CDH4: variants seen among roughly 807,000 people sequenced by gnomAD.
CDH4 encodes the protein cadherin-4.
CDH4 carries 33 observed loss-of-function variants against 86.0 expected under a neutral mutation model. That is an observed-to-expected ratio of 0.38 (90% CI 0.29 to 0.51). CDH4 has a LOEUF of 0.51. CDH4 is among the 20% of genes least tolerant of loss of function. CDH4 has a pLI of 0.86. For synonymous variants in CDH4, 555 were observed against 549.4 expected, an observed-to-expected ratio of 1.01 and a Z score of -0.14; for missense variants, 1,114 against 1,307.4, an observed-to-expected ratio of 0.85 and a Z score of 2.28.
chr20:61,646,627 C>T (rs914959978), intron 2 of CDH4, among the ~76,000 whole-genome samples: 1 of 152,234 alleles, frequency 6.6e-6, no homozygotes, highest in Non-Finnish European at 1.5e-5. Flanking sequence ...GGGCTCTGAG[C>T]AGCTTCTGCT....
chr20:61,582,015 C>A lies in CDH4; in HGVS notation c.170-161548C>A, dbSNP rs980748417. Among the ~76,000 whole-genome samples, 1 of 152,204 alleles carries A rather than the reference C, an allele frequency of 6.6e-6. No individual in the cohort carries two copies. The highest frequency in any genetic ancestry group is 2.4e-5 in the African/African-American group (1 of 41,450). ...CCTCAAGTCTCAGCCATCATGTGGG[C>A]GCCTCCTCAGGGCAGCCTGTGGGAA... On this transcript the variant is annotated intron_variant, in intron 2 of 15. Coordinates refer to ENST00000614565, the MANE Select transcript of CDH4 (RefSeq NM_001794.5). The surrounding 1 kb of genome is among the most constrained non-coding windows in gnomAD (Gnocchi z 4.2).
intron 2 of CDH4, among the ~76,000 whole-genome samples, chr20:61,712,944 C>T (rs2087909123): frequency 6.6e-6 from 1 of 152,156 alleles, no homozygotes; most frequent in Non-Finnish European, 1.5e-5. Context: ...CTAATAGAGA[C>T]AAGCAGTAGA....
At chr20:61,333,949 G>A (rs1049484382) in intron 2 of CDH4, among the ~76,000 whole-genome samples, 3 of 152,212 alleles carry the variant, frequency 2.0e-5, no homozygotes, top group African/African-American at 7.2e-5. Context: ...CCTCCTGGTC[G>A]GTGAGGGCGG....
chr20:61,280,747 C>T (rs1335804120), intron 2 of CDH4, among the ~76,000 whole-genome samples: 2 of 152,192 alleles, frequency 1.3e-5, no homozygotes, highest in African/African-American at 4.8e-5. Context: ...CCTGGGCTAA[C>T]GTGGCTTATG....
At chr20:61,734,857 C>CAG (rs1373593610) in intron 2 of CDH4, among the ~76,000 whole-genome samples, 9 of 152,258 alleles carry the variant, frequency 5.9e-5, no homozygotes, top group Non-Finnish European at 1.2e-4. Context: ...TCAACCTGGG[C>CAG]AGATATTCAA....
intron 6 of CDH4, among the ~76,000 whole-genome samples, chr20:61,853,996 C>A (rs1162618993): frequency 5.9e-5 from 9 of 152,120 alleles, no homozygotes; most frequent in Non-Finnish European, 1.5e-5. Flanking sequence ...GGCCTAAGCA[C>A]CATTTAGGAC....
chr20:61,447,145 T>C (rs1568848495), intron 2 of CDH4, among the ~76,000 whole-genome samples: 2 of 152,184 alleles, frequency 1.3e-5, no homozygotes, highest in East Asian at 3.9e-4. Context: ...TTATTCATGG[T>C]GTTTTTTGTT....
chr20:61,841,701 G>T (rs6061856), intron 4 of CDH4, among the ~76,000 whole-genome samples: 1 of 151,950 alleles, frequency 6.6e-6, no homozygotes, highest in Admixed American at 6.6e-5. Flanking sequence ...TGCATTGCGG[G>T]GGGGAACAAA....
chr20:61,511,932 T>C (rs1302716772), intron 2 of CDH4, among the ~76,000 whole-genome samples: 1 of 152,214 alleles, frequency 6.6e-6, no homozygotes, highest in African/African-American at 2.4e-5. Context: ...AAGATCCCTA[T>C]AGAGAAAGAA....
chr20:61,577,068 G>A (rs1438327338), intron 2 of CDH4, among the ~76,000 whole-genome samples: 2 of 152,234 alleles, frequency 1.3e-5, no homozygotes, highest in Admixed American at 1.3e-4. Context: ...AAGGATGCAT[G>A]GATGTTTTGC....
chr20:61,778,979 A>G lies in CDH4; in HGVS notation c.576+5797A>G, dbSNP rs74355647. On this transcript the variant is annotated intron_variant, in intron 4 of 15. Transcript: ENST00000614565. ...CTGTGGCCTTCAGGAACCACCAAGC[A>G]ATCCACATTCTGCCTGAAGTTCACA... 2.8e-3 allele frequency among the ~76,000 whole-genome samples: 426 copies of G among 152,300 alleles called. 1 individual carries two copies. Among genetic ancestry groups the G allele is most frequent in the African/African-American group, 9.6e-3 (398 of 41,558 alleles).
At chr20:61,458,110 G>A (rs115715022) in intron 2 of CDH4, among the ~76,000 whole-genome samples, 4,610 of 151,102 alleles carry the variant, frequency 0.031, 248 homozygotes, top group African/African-American at 0.1. Context: ...TGATGTTGAT[G>A]ACAGTGCTGA....
intron 2 of CDH4, among the ~76,000 whole-genome samples, chr20:61,451,172 A>C (rs559045910): frequency 2.0e-5 from 3 of 146,908 alleles, no homozygotes; most frequent in East Asian, 2.0e-4. Context: ...TGTTTCTTCA[A>C]TAGAGTCTTG....
intron 2 of CDH4, among the ~76,000 whole-genome samples, chr20:61,509,970 G>T (rs544249909): frequency 6.6e-6 from 1 of 152,170 alleles, no homozygotes; most frequent in African/African-American, 2.4e-5. Flanking sequence ...TCCATATGGC[G>T]AAGGTTCTCA....
At chr20:61,820,019 G>A (rs969169215) in intron 4 of CDH4, among the ~76,000 whole-genome samples, 41 of 152,174 alleles carry the variant, frequency 2.7e-4, no homozygotes, top group Non-Finnish European at 8.8e-5. Context: ...CCCGGGGACC[G>A]TGTCTGGCCA....
chr20:61,521,172 C>T (rs780222272), intron 2 of CDH4, among the ~76,000 whole-genome samples: 9 of 152,326 alleles, frequency 5.9e-5, no homozygotes, highest in Admixed American at 1.3e-4. Context: ...ATTTCCAGCA[C>T]GTGTGGAGGG....
At chr20:61,799,917 C>T (rs1979741714) in intron 4 of CDH4, among the ~76,000 whole-genome samples, 1 of 152,170 alleles carries the variant, frequency 6.6e-6, no homozygotes, top group Non-Finnish European at 1.5e-5. Context: ...CTCTGCCCCG[C>T]TCCCCATCTC....
chr20:61,779,070 G>A (rs771282104), intron 4 of CDH4, among the ~76,000 whole-genome samples: 14 of 152,296 alleles, frequency 9.2e-5, no homozygotes, highest in East Asian at 1.9e-4. Context: ...GTTTTAAAAC[G>A]CCACTTGCTT....
At chr20:61,275,545 C>A (rs538259836) in intron 2 of CDH4, among the ~76,000 whole-genome samples, 1 of 104,966 alleles carries the variant, frequency 9.5e-6, no homozygotes, top group African/African-American at 3.9e-5. Context: ...GGGGGAGTAC[C>A]CTGCGCAGTT....
Sources: allele counts gnomAD v4.1 joint callset (sites outside exome capture counted in the v4.1 genomes callset), GRCh38; gene constraint gnomAD v4.1.1; non-coding constraint Gnocchi (gnomAD v3.1); transcripts MANE v1.5; gene names NCBI Gene and HGNC (gene_info 2026-07-23, HGNC 2026-07-21).